Variants in ASPH observed in about 807,000 individuals in gnomAD.
ASPH encodes the protein aspartate beta-hydroxylase.
A neutral mutation model predicts 118.4 loss-of-function variants in ASPH; 100 were observed. The observed-to-expected ratio is 0.84, with a 90% CI of 0.72 to 1.00. The LOEUF (loss-of-function observed/expected upper bound fraction) is 1.00. Among genes scored for constraint, ASPH ranks in the 50% least tolerant of loss-of-function variants. ASPH has a pLI of 0.00. For missense variants in ASPH, 920 were observed against 919.5 expected (o/e 1.00, Z -0.01); for synonymous variants, 315 against 325.6 (o/e 0.97, Z 0.35).
intron 20 of ASPH, among the ~76,000 whole-genome samples, chr8:61,552,425 AT>A (rs1305963695): frequency 2.6e-5 from 4 of 152,208 alleles, no homozygotes; most frequent in African/African-American, 9.6e-5. Flanking sequence ...TAGCTACTAC[AT>A]TTTTTGTGTC....
rs893684133 is a variant in ASPH at position 61,625,447 on chromosome 8, T to A, written c.935-6428A>T. On this transcript the variant is annotated intron_variant, in intron 13 of 24. Coordinates refer to ENST00000379454, the MANE Select transcript of ASPH (RefSeq NM_004318.4). ...CTTTAAGTTATGCACCAGTAATTTATACAGGTTTTCTAAAATTTAAACAAA... is the reference window on the plus strand; with the variant it reads ...CTTTAAGTTATGCACCAGTAATTTAAACAGGTTTTCTAAAATTTAAACAAA... The A allele has an allele frequency of 6.1e-6, 6 of 985,316 alleles. No individual in the cohort carries two copies. In the South Asian group the frequency reaches 2.3e-4, roughly 39 times the overall value. The allele number at this position is 985,316 out of a possible 1,614,324, so 61.0% of individuals were successfully genotyped here.
At position 61,684,206 on chromosome 8, in the gene ASPH, TAA is replaced by T; in HGVS notation, c.104-20_104-19del. 6.3e-7 allele frequency: 1 copy of T among 1,591,286 alleles called. No individual in the cohort carries two copies. Among genetic ancestry groups the T allele is most frequent in the Non-Finnish European group, 8.6e-7 (1 of 1,169,232 alleles). ...CTTTGTCTCTGTTTAGAAATAAATG[TAA>T]GATATCATAAGAAGAAAACATTTTA... is the stretch of plus-strand genomic sequence containing the variant. On this transcript the variant is annotated intron_variant, in intron 1 of 24. Transcript: ENST00000379454.
intron 14 of ASPH, among the ~76,000 whole-genome samples, chr8:61,614,954 C>T (rs1239013980): frequency 6.6e-6 from 1 of 152,164 alleles, no homozygotes; most frequent in Non-Finnish European, 1.5e-5. Flanking sequence ...CAATAGTCTC[C>T]TAATTGGTTT....
intron 3 of ASPH, chr8:61,663,778 C>T: frequency 2.0e-6 from 2 of 975,636 alleles, no homozygotes; most frequent in Non-Finnish European, 2.4e-6. Flanking sequence ...AGGATTTCTT[C>T]TCTGTTGTAT....
chr8:61,605,795 G>T (rs1237999726), intron 14 of ASPH, among the ~76,000 whole-genome samples: 1 of 152,184 alleles, frequency 6.6e-6, no homozygotes, highest in Non-Finnish European at 1.5e-5. Context: ...GAAACCTCTT[G>T]TGTATTTCCA....
In ASPH at chr8:61,663,416, C is replaced by G. The variant is rs187763216; in HGVS notation, c.323-9756G>C. On this transcript the variant is annotated intron_variant, in intron 3 of 24. Transcript: ENST00000379454. Reference sequence around the variant, plus strand: ...TGGGATTGGTAAACTAGAGACTGGTCTGGAGCCTGCTGAGGGCCATCTTGG... The same window carrying G: ...TGGGATTGGTAAACTAGAGACTGGTGTGGAGCCTGCTGAGGGCCATCTTGG... 3.5e-4 allele frequency: 346 copies of G among 985,406 alleles called. 2 individuals carry two copies. In the African/African-American group the frequency reaches 5.4e-3, roughly 15 times the overall value. The allele number at this position is 985,406 out of a possible 1,614,324, so 61.0% of individuals were successfully genotyped here. A position where few individuals can be genotyped will look rare whatever the true frequency, so the allele number is the denominator to read the frequency against.
chr8:61,618,913 A>T, intron 14 of ASPH, 65 bp downstream of exon 14: 1 of 1,377,722 alleles, frequency 7.3e-7, no homozygotes, highest in Middle Eastern at 1.8e-4. Context: ...TCTTGGATGG[A>T]ACATAAAATC....
chr8:61,657,681 C>G (rs1814471089), intron 3 of ASPH: 1 of 152,044 alleles, frequency 6.6e-6, no homozygotes, highest in African/African-American at 2.4e-5. Context: ...ACTGAGGCAC[C>G]AAGAGAGGTG....
intron 3 of ASPH, among the ~76,000 whole-genome samples, chr8:61,670,444 A>C (rs1214847745): frequency 1.3e-5 from 2 of 152,012 alleles, no homozygotes; most frequent in Non-Finnish European, 2.9e-5. Flanking sequence ...GCAGTAGAGA[A>C]GGCAGTCATG....
intron 24 of ASPH, among the ~76,000 whole-genome samples, chr8:61,508,479 A>T (rs1586206772): frequency 6.6e-6 from 1 of 152,222 alleles, no homozygotes; most frequent in Non-Finnish European, 1.5e-5. Context: ...GGCAGTGCAT[A>T]TTTAATAACT....
intron 3 of ASPH, chr8:61,676,180 T>C (rs1246677384): frequency 1.3e-6 from 2 of 1,599,268 alleles, no homozygotes; most frequent in African/African-American, 2.7e-5. Context: ...CTTCTTCTTC[T>C]TCTAGCATTT....
intron 13 of ASPH, among the ~76,000 whole-genome samples, chr8:61,629,823 A>G (rs1425092287): frequency 6.6e-6 from 1 of 152,202 alleles, no homozygotes; most frequent in Non-Finnish European, 1.5e-5. Flanking sequence ...TTTATTTAAA[A>G]TCCTTTGAAA....
chr8:61,541,221 G>A (rs577447265), intron 21 of ASPH, among the ~76,000 whole-genome samples: 119 of 152,222 alleles, frequency 7.8e-4, no homozygotes, highest in Non-Finnish European at 1.2e-3. Flanking sequence ...AAAATTAGCC[G>A]GGCATGGTGG....
intron 3 of ASPH, among the ~76,000 whole-genome samples, chr8:61,662,120 G>C (rs1386977142): frequency 2.0e-5 from 3 of 152,070 alleles, no homozygotes; most frequent in Non-Finnish European, 4.4e-5. Context: ...AATATTAAAG[G>C]ATAGAAGATC....
intron 14 of ASPH, among the ~76,000 whole-genome samples, chr8:61,601,560 A>G (rs1844002593): frequency 6.6e-6 from 1 of 150,800 alleles, no homozygotes; most frequent in African/African-American, 2.5e-5. Flanking sequence ...AGAGAGAGAA[A>G]AAAAAAAAAC....
At chr8:61,516,095 A>G (rs1198475171) in intron 24 of ASPH, among the ~76,000 whole-genome samples, 1 of 152,202 alleles carries the variant, frequency 6.6e-6, no homozygotes, top group Non-Finnish European at 1.5e-5. Flanking sequence ...TGGCTGCTGA[A>G]TTATTATTCA....
chr8:61,568,195 C>T (rs141190383), intron 16 of ASPH, among the ~76,000 whole-genome samples: 519 of 152,088 alleles, frequency 3.4e-3, no homozygotes, highest in African/African-American at 8.4e-3. Context: ...TGGTGGCAGC[C>T]GTATGGAGAA....
At chr8:61,523,858 G>A (rs559581613) in intron 22 of ASPH, among the ~76,000 whole-genome samples, 1 of 152,180 alleles carries the variant, frequency 6.6e-6, no homozygotes, top group East Asian at 1.9e-4. Flanking sequence ...GGGAGGCCAA[G>A]GTAAGAGGGT....
chr8:61,533,869 A>G (rs1818479140), intron 21 of ASPH, among the ~76,000 whole-genome samples: 1 of 152,192 alleles, frequency 6.6e-6, no homozygotes. Context: ...GTGCCATTTT[A>G]TTCTTGTATT....
Sources: allele counts gnomAD v4.1 joint callset (sites outside exome capture counted in the v4.1 genomes callset), GRCh38; gene constraint gnomAD v4.1.1; transcripts MANE v1.5; gene names NCBI Gene and HGNC (gene_info 2026-07-23, HGNC 2026-07-21).